The following NRXN1 variants were observed in gnomAD, a reference collection of about 807,000 sequenced individuals.
The protein encoded by NRXN1 is neurexin-1.
A neutral mutation model predicts 150.9 loss-of-function variants in NRXN1; 39 were observed. The observed-to-expected ratio is 0.26, with a 90% CI of 0.20 to 0.34. NRXN1 has a LOEUF of 0.34. Ranked by LOEUF, NRXN1 falls within the 10% of genes least tolerant of loss-of-function variation. The probability of loss-of-function intolerance (pLI) is 1.00; values close to 1 mark genes in which losing one functional copy is unlikely to be tolerated. For synonymous variants in NRXN1, 924 were observed against 757.0 expected (o/e 1.22, Z -3.62); for missense variants, 1,815 against 1,949.9 (o/e 0.93, Z 1.30).
At chr2:50,726,724 T>G (rs1342796731) in intron 5 of NRXN1, among the ~76,000 whole-genome samples, 1 of 152,180 alleles carries the variant, frequency 6.6e-6, no homozygotes, top group Non-Finnish European at 1.5e-5. Flanking sequence ...ATAATATTAC[T>G]TCCCTCCATT....
At chr2:50,812,740 G>A (rs966880688) in intron 5 of NRXN1, among the ~76,000 whole-genome samples, 1 of 149,530 alleles carries the variant, frequency 6.7e-6, no homozygotes, top group Admixed American at 6.7e-5. Flanking sequence ...GTGTGTGTGT[G>A]TGAGCGCATG....
chr2:50,575,790 T>G (rs1411414219), intron 8 of NRXN1, among the ~76,000 whole-genome samples: 1 of 152,192 alleles, frequency 6.6e-6, no homozygotes, highest in South Asian at 2.1e-4. Flanking sequence ...GTTTATTCAA[T>G]GCATTAATAG....
intron 5 of NRXN1, among the ~76,000 whole-genome samples, chr2:50,800,560 T>A (rs905721958): frequency 1.3e-5 from 2 of 152,186 alleles, no homozygotes; most frequent in Non-Finnish European, 2.9e-5. Flanking sequence ...TAATGAATTT[T>A]TTTTTTAAGA....
At chr2:50,804,235 T>C (rs1452280978) in intron 5 of NRXN1, among the ~76,000 whole-genome samples, 1 of 152,182 alleles carries the variant, frequency 6.6e-6, no homozygotes, top group African/African-American at 2.4e-5. Flanking sequence ...TTACCTTGCT[T>C]TCATTTACAT....
intron 8 of NRXN1, among the ~76,000 whole-genome samples, chr2:50,612,568 T>C (rs1279788285): frequency 2.6e-5 from 4 of 152,178 alleles, no homozygotes; most frequent in Non-Finnish European, 4.4e-5. Context: ...AAAAAATGCT[T>C]AATATGTTAT....
chr2:51,000,456 T>C (rs968391167), intron 2 of NRXN1, among the ~76,000 whole-genome samples: 2 of 151,964 alleles, frequency 1.3e-5, no homozygotes, highest in African/African-American at 4.8e-5. Context: ...GTACTAACCA[T>C]GTAGCAAAAT....
intron 16 of NRXN1, among the ~76,000 whole-genome samples, chr2:50,468,779 C>A (rs1300555559): frequency 1.3e-5 from 2 of 151,162 alleles, no homozygotes; most frequent in South Asian, 2.1e-4. Flanking sequence ...TCAATTTACT[C>A]ATTAAAAAAA....
intron 17 of NRXN1, among the ~76,000 whole-genome samples, chr2:50,315,817 G>A (rs371364539): frequency 9.2e-5 from 14 of 152,260 alleles, no homozygotes; most frequent in African/African-American, 3.1e-4. Flanking sequence ...GTTGTATTCA[G>A]AGGTCAATTG....
intron 5 of NRXN1, among the ~76,000 whole-genome samples, chr2:50,783,245 A>G (rs569920040): frequency 6.6e-6 from 1 of 152,162 alleles, no homozygotes; most frequent in South Asian, 2.1e-4. Flanking sequence ...TAAAGCCTAC[A>G]TCGCAATCTA....
chr2:50,053,892 T>G (rs984224144), intron 20 of NRXN1, among the ~76,000 whole-genome samples: 1 of 152,204 alleles, frequency 6.6e-6, no homozygotes, highest in Admixed American at 6.5e-5. Flanking sequence ...GATCTTATAT[T>G]GTTGGTGTCT....
chr2:49,952,997 G>A (rs1205481726), intron 21 of NRXN1, among the ~76,000 whole-genome samples: 1 of 151,984 alleles, frequency 6.6e-6, no homozygotes, highest in Non-Finnish European at 1.5e-5. Flanking sequence ...CCTTCGAAGT[G>A]AAGGTTCAAG....
At chr2:50,543,518 C>G (rs146542562) in intron 9 of NRXN1, among the ~76,000 whole-genome samples, 1 of 151,882 alleles carries the variant, frequency 6.6e-6, no homozygotes, top group Non-Finnish European at 1.5e-5. Flanking sequence ...TGTTTTTTCA[C>G]GACACATGTA....
At chr2:50,295,262 C>A (rs1247902355) in intron 17 of NRXN1, among the ~76,000 whole-genome samples, 1 of 152,122 alleles carries the variant, frequency 6.6e-6, no homozygotes, top group Admixed American at 6.5e-5. Context: ...ATATCTACAT[C>A]TTTTAAATTC....
At chr2:50,321,314 T>C (rs1338312198) in intron 17 of NRXN1, among the ~76,000 whole-genome samples, 1 of 152,126 alleles carries the variant, frequency 6.6e-6, no homozygotes, top group East Asian at 1.9e-4. Flanking sequence ...TATTCCTAAA[T>C]CTAAGAAATC....
chr2:50,113,489 T>C (rs1376742723), intron 18 of NRXN1, among the ~76,000 whole-genome samples: 3 of 152,220 alleles, frequency 2.0e-5, no homozygotes, highest in Non-Finnish European at 4.4e-5. Context: ...AGTTCTGTAA[T>C]CTGTACCAGG....
At chr2:50,734,825 G>C (rs1698522886) in intron 5 of NRXN1, among the ~76,000 whole-genome samples, 1 of 151,966 alleles carries the variant, frequency 6.6e-6, no homozygotes, top group Admixed American at 6.6e-5. Flanking sequence ...ATACATTTCA[G>C]TACTAAATTA....
chr2:50,460,497 G>T (rs543443433), intron 17 of NRXN1, among the ~76,000 whole-genome samples: 2 of 151,918 alleles, frequency 1.3e-5, no homozygotes, highest in African/African-American at 4.8e-5. Flanking sequence ...TTCTCATATA[G>T]ATACAGACTG....
intron 17 of NRXN1, among the ~76,000 whole-genome samples, chr2:50,457,274 G>C (rs2087665178): frequency 6.6e-6 from 1 of 152,092 alleles, no homozygotes; most frequent in African/African-American, 2.4e-5. Context: ...AGTGAGAAAA[G>C]CATGGAAAAA....
At chr2:50,737,890 C>A (rs1245938858) in intron 5 of NRXN1, among the ~76,000 whole-genome samples, 1 of 151,874 alleles carries the variant, frequency 6.6e-6, no homozygotes, top group African/African-American at 2.4e-5. Flanking sequence ...TTAAGAAAGA[C>A]TTTTCTTCTT....
Sources: gnomAD v4.1 joint callset for allele counts (sites outside exome capture counted in the v4.1 genomes callset) on GRCh38, gnomAD v4.1.1 for gene constraint, MANE v1.5 for transcripts, NCBI Gene and HGNC (gene_info 2026-07-23, HGNC 2026-07-21) for gene names.